Variants in CFAP46 observed in about 807,000 individuals in gnomAD.
CFAP46 encodes cilia- and flagella-associated protein 46.
Under a neutral mutation model 325.7 loss-of-function variants are expected in CFAP46, and 245 were observed. That is an observed-to-expected ratio of 0.75 (90% confidence interval 0.68 to 0.84). The LOEUF is 0.84. CFAP46 is among the 40% of genes least tolerant of loss of function. CFAP46 has a pLI of 0.00. For synonymous variants in CFAP46, 1,523 were observed against 1,495.9 expected, an observed-to-expected ratio of 1.02 and a Z score of -0.42; for missense variants, 3,346 against 3,543.0, an observed-to-expected ratio of 0.94 and a Z score of 1.41.
intron 22 of CFAP46, among the ~76,000 whole-genome samples, chr10:132,903,598 G>A (rs189708101): frequency 6.6e-6 from 1 of 152,240 alleles, no homozygotes; most frequent in Non-Finnish European, 1.5e-5. Context: ...GGTACTGCCT[G>A]CTGTCCAACA....
At chr10:132,813,034 T>A in intron 54 of CFAP46, 137 bp from the exon 55 acceptor site, 1 of 648,398 alleles carries the variant, frequency 1.5e-6, no homozygotes, top group East Asian at 2.7e-5. Flanking sequence ...TTCTTTCATG[T>A]TCCTAATGCC....
chr10:132,890,748 T>C (rs975982531), intron 25 of CFAP46, among the ~76,000 whole-genome samples: 2 of 152,150 alleles, frequency 1.3e-5, no homozygotes, highest in African/African-American at 4.8e-5. Flanking sequence ...GTGGACGGAC[T>C]TGCCGTGTGC....
chr10:132,938,919 G>A (rs1382573625), intron 4 of CFAP46, among the ~76,000 whole-genome samples, 166 bp from the exon 5 acceptor site: 1 of 152,142 alleles, frequency 6.6e-6, no homozygotes, highest in Non-Finnish European at 1.5e-5. Flanking sequence ...CAGCCTGCAG[G>A]AGCACCAGGA....
intron 55 of CFAP46, among the ~76,000 whole-genome samples, chr10:132,812,189 G>A (rs12243610): frequency 0.093 from 14,192 of 152,264 alleles, 771 homozygotes; most frequent in Middle Eastern, 0.19. Flanking sequence ...GGGCCGTGGC[G>A]TGTGACAGGG....
At chr10:132,836,053 C>T (rs567806188) in intron 46 of CFAP46, 89 bp downstream of exon 46, 3 of 664,470 alleles carry the variant, frequency 4.5e-6, no homozygotes, top group East Asian at 3.5e-5. Context: ...CTCACCTCCC[C>T]CTCCCGACAC....
At chr10:132,857,345 C>T (rs893685071) in intron 39 of CFAP46, among the ~76,000 whole-genome samples, 4 of 152,362 alleles carry the variant, frequency 2.6e-5, no homozygotes, top group South Asian at 2.1e-4. Context: ...CCACCTGAGC[C>T]GCCGTGGTGA....
At position 132,876,970 on chromosome 10, in the gene CFAP46, G is replaced by A; in HGVS notation, c.4213-9C>T. 1.9e-6 allele frequency: 3 copies of A among 1,549,002 alleles called. No individual in the cohort carries two copies. Among genetic ancestry groups the A allele is most frequent in the Non-Finnish European group, 1.7e-6 (2 of 1,146,318 alleles). On this transcript the variant is annotated splice_polypyrimidine_tract_variant and intron_variant, in intron 30 of 57. Transcript: ENST00000368586. This position sits in a 1 kb window ranked among gnomAD's most constrained non-coding sequence, Gnocchi z 4.1. ...GGAGCTGGGCTTTGAGACTAGAAAG[G>A]CAAGAATACAGGATTTACCTGAAAC... is the stretch of plus-strand genomic sequence containing the variant.
chr10:132,856,294 G>C (rs189822236), intron 39 of CFAP46, among the ~76,000 whole-genome samples: 1 of 152,330 alleles, frequency 6.6e-6, no homozygotes, highest in African/African-American at 2.4e-5. Flanking sequence ...GGTGTGCCCT[G>C]ATATAGTTTC....
intron 22 of CFAP46, 75 bp from the exon 23 acceptor site, chr10:132,899,741 T>C (rs1849368596): frequency 1.4e-6 from 2 of 1,468,624 alleles, no homozygotes; most frequent in Admixed American, 4.5e-5. Context: ...GTCACTGTCT[T>C]GAACTGTGGA....
At chr10:132,836,249 G>T in intron 45 of CFAP46, 31 bp from the exon 46 acceptor site, 1 of 1,604,964 alleles carries the variant, frequency 6.2e-7, no homozygotes, top group Non-Finnish European at 8.5e-7. Flanking sequence ...AGGGTCGCAG[G>T]CAAGCCATGA....
intron 55 of CFAP46, among the ~76,000 whole-genome samples, chr10:132,811,747 C>T (rs980158600): frequency 5.3e-5 from 8 of 152,226 alleles, no homozygotes; most frequent in African/African-American, 1.9e-4. Flanking sequence ...CAAAGAGGCC[C>T]ATTTCTAACT....
intron 45 of CFAP46, among the ~76,000 whole-genome samples, chr10:132,836,512 G>C (rs1457020910): frequency 6.6e-6 from 1 of 152,226 alleles, no homozygotes; most frequent in Non-Finnish European, 1.5e-5. Flanking sequence ...GAGCTGGAGA[G>C]GACAGCTGTC....
intron 24 of CFAP46, among the ~76,000 whole-genome samples, chr10:132,894,312 G>A (rs530642109): frequency 1.3e-5 from 2 of 152,312 alleles, no homozygotes; most frequent in African/African-American, 4.8e-5. Context: ...CTAAATCAAT[G>A]TGATGAAAAG....
chr10:132,874,197 C>A (rs147195180), intron 31 of CFAP46, among the ~76,000 whole-genome samples: 1 of 152,194 alleles, frequency 6.6e-6, no homozygotes, highest in African/African-American at 2.4e-5. Context: ...AATCAAACAT[C>A]GTCCTCCTCA....
intron 27 of CFAP46, among the ~76,000 whole-genome samples, chr10:132,883,611 C>CA: frequency 6.6e-6 from 1 of 152,262 alleles, no homozygotes; most frequent in East Asian, 1.9e-4. Context: ...AACTCCACTG[C>CA]TGGGCTGTGC....
In CFAP46 at chr10:132,879,429, C is replaced by A. The variant is rs1849004915; in HGVS notation, c.4002G>T (p.Trp1334Cys). 6.6e-7 allele frequency: 1 copy of A among 1,515,998 alleles called. No homozygotes were observed. The highest frequency in any genetic ancestry group is 8.9e-7 in the Non-Finnish European group (1 of 1,128,316). The allele number at this position is 1,515,998 out of a possible 1,614,324, so 93.9% of individuals were successfully genotyped here. ...GGGAGTCTGCGCTGGGCCTCACCTGCCAGATGTGCCTGAAGAAGGCGTAGG... is the reference window on the plus strand; with the variant it reads ...GGGAGTCTGCGCTGGGCCTCACCTGACAGATGTGCCTGAAGAAGGCGTAGG... ...LAAYAFFRHI[W>C]QVSLMTAGKS... is the part of the protein sequence containing the mutation. Residue 1334 changes from tryptophan to cysteine, a missense_variant, in exon 29 of 58, where the codon TGG becomes TGT. Transcript: ENST00000368586.
At chr10:132,825,487 C>T (rs1222719558) in intron 50 of CFAP46, among the ~76,000 whole-genome samples, 4 of 152,136 alleles carry the variant, frequency 2.6e-5, no homozygotes, top group Admixed American at 6.5e-5. Flanking sequence ...ATAATGTCTT[C>T]GTGGACACAC....
At chr10:132,936,817 G>T in intron 7 of CFAP46, 144 bp downstream of exon 7, 2 of 430,752 alleles carry the variant, frequency 4.6e-6, no homozygotes, top group Non-Finnish European at 8.1e-6. Context: ...GGTCTCCCAG[G>T]CTCCTATTCT....
intron 22 of CFAP46, among the ~76,000 whole-genome samples, chr10:132,900,430 G>A (rs1849377735): frequency 6.6e-6 from 1 of 152,266 alleles, no homozygotes; most frequent in African/African-American, 2.4e-5. Flanking sequence ...GGGGGAGCAC[G>A]CCCTTGCGGC....
Sources: gnomAD v4.1 joint callset for allele counts (sites outside exome capture counted in the v4.1 genomes callset) on GRCh38, gnomAD v4.1.1 for gene constraint, Gnocchi (gnomAD v3.1) non-coding constraint, MANE v1.5 for transcripts, NCBI Gene and HGNC (gene_info 2026-07-23, HGNC 2026-07-21) for gene names.